MAGI1: variants seen among roughly 807,000 people sequenced by gnomAD.
The protein encoded by MAGI1 is membrane associated guanylate kinase, WW and PDZ domain containing 1, also known as membrane-associated guanylate kinase, WW and PDZ domain-containing protein 1.
A neutral mutation model predicts 139.9 loss-of-function variants in MAGI1; 58 were observed. That is an observed-to-expected ratio of 0.41 (90% CI 0.34 to 0.52). The LOEUF is 0.52. Ranked by LOEUF, MAGI1 falls within the 20% of genes least tolerant of loss-of-function variation. The pLI, the probability that MAGI1 is intolerant of heterozygous loss-of-function variation, is 0.12. For synonymous variants in MAGI1, 812 were observed against 737.9 expected (o/e 1.10, Z -1.63); for missense variants, 1,874 against 1,901.6 (o/e 0.99, Z 0.27).
chr3:65,413,404 C>T (rs533498747), intron 12 of MAGI1, among the ~76,000 whole-genome samples: 20 of 152,236 alleles, frequency 1.3e-4, no homozygotes, highest in East Asian at 5.8e-4. Context: ...CAAGTCCTGC[C>T]GCACTGCATT....
At chr3:65,519,361 CACACACACACACACACACACACACAT>C (rs1404244886) in intron 2 of MAGI1, among the ~76,000 whole-genome samples, 16 of 83,952 alleles carry the variant, frequency 1.9e-4, no homozygotes, top group African/African-American at 6.8e-4. Flanking sequence ...CACACACACA[CACACACACACACACACACACACACAT>C]ATATATAATT....
At chr3:65,463,053 T>C (rs1949924619) in intron 5 of MAGI1, among the ~76,000 whole-genome samples, 1 of 152,230 alleles carries the variant, frequency 6.6e-6, no homozygotes, top group Admixed American at 6.5e-5. Flanking sequence ...TATATAATCA[T>C]GTCATCTGCA....
chr3:65,488,949 A>C (rs1951805375), intron 3 of MAGI1, among the ~76,000 whole-genome samples: 1 of 152,216 alleles, frequency 6.6e-6, no homozygotes, highest in Admixed American at 6.5e-5. Flanking sequence ...CTGGGATTAC[A>C]GGTATCCGCC....
intron 5 of MAGI1, among the ~76,000 whole-genome samples, chr3:65,457,640 C>T (rs1949491740): frequency 6.6e-6 from 1 of 151,698 alleles, no homozygotes; most frequent in African/African-American, 2.4e-5. Context: ...TAGATATACA[C>T]TTGCTATTTA....
At chr3:65,484,712 C>T (rs1376159520) in intron 3 of MAGI1, among the ~76,000 whole-genome samples, 1 of 152,066 alleles carries the variant, frequency 6.6e-6, no homozygotes, top group Non-Finnish European at 1.5e-5. Flanking sequence ...CCCCTTCCCC[C>T]ATCTCACAGC....
chr3:66,012,084 A>G (rs2067350645), intron 1 of MAGI1, among the ~76,000 whole-genome samples: 1 of 151,994 alleles, frequency 6.6e-6, no homozygotes, highest in Non-Finnish European at 1.5e-5. Flanking sequence ...TTTAGTTAGG[A>G]TGGGCAACAA....
At chr3:65,704,785 C>G (rs1360308663) in intron 1 of MAGI1, among the ~76,000 whole-genome samples, 1 of 151,888 alleles carries the variant, frequency 6.6e-6, no homozygotes, top group Non-Finnish European at 1.5e-5. Context: ...TAGAAATGCG[C>G]CTCTATGGTG....
At chr3:65,936,219 T>A (rs1218418612) in intron 1 of MAGI1, among the ~76,000 whole-genome samples, 1 of 151,674 alleles carries the variant, frequency 6.6e-6, no homozygotes, top group African/African-American at 2.4e-5. Context: ...CCAACAAACC[T>A]CCCAAGGCCC....
chr3:65,976,259 T>G (rs2065259571), intron 1 of MAGI1, among the ~76,000 whole-genome samples: 1 of 152,224 alleles, frequency 6.6e-6, no homozygotes, highest in African/African-American at 2.4e-5. Context: ...ATGATGTAAT[T>G]ACTTATATAT....
rs562051651 is a variant in MAGI1 at position 65,715,172 on chromosome 3, C to T, written c.314-93084G>A. On this transcript the variant is annotated intron_variant, in intron 1 of 22. Coordinates refer to ENST00000402939, the MANE Select transcript of MAGI1 (RefSeq NM_001033057.2). The stretch of plus-strand genomic sequence containing the variant: ...ACCTCAGACATTTTAATCAGCAATG[C>T]TTTGCAAAAAGGCATTTTCTCAAGG... Among the ~76,000 whole-genome samples the T allele has an allele frequency of 5.3e-5, 8 of 152,276 alleles. No individual in the cohort carries two copies. The South Asian group carries it at 1.7e-3, about 32-fold the overall frequency.
At chr3:65,720,514 TCCTTGA>T (rs2032878369) in intron 1 of MAGI1, among the ~76,000 whole-genome samples, 1 of 152,046 alleles carries the variant, frequency 6.6e-6, no homozygotes, top group African/African-American at 2.4e-5. Flanking sequence ...CCCTAACCAA[TCCTTGA>T]CTTAGCCCAT....
chr3:65,516,113 A>G (rs540358556), intron 2 of MAGI1, among the ~76,000 whole-genome samples: 3 of 152,198 alleles, frequency 2.0e-5, no homozygotes, highest in South Asian at 2.1e-4. Context: ...GCTGAGGGTG[A>G]GAGAATTGCC....
Position 65,375,856 on chromosome 3 carries a change from G to C in MAGI1, c.3085C>G (p.Arg1029Gly). 1 of 1,614,024 alleles carries C rather than the reference G, an allele frequency of 6.2e-7. No homozygotes were observed. Among genetic ancestry groups the C allele is most frequent in the Non-Finnish European group, 8.5e-7 (1 of 1,179,976 alleles). Residue 1029 changes from arginine (R) to glycine (G), a missense_variant, in exon 18 of 23, where the codon CGG becomes GGG. Coordinates refer to ENST00000402939, the MANE Select transcript of MAGI1 (RefSeq NM_001033057.2). ...GAACATCCATTTACTGCCAAGATCC[G>C]GTCTCCTACTTTCAGCTTGCCACAG... Reference protein sequence around the residue: ...DRCGKLKVGDRILAVNGCSIT... With the variant: ...DRCGKLKVGDGILAVNGCSIT...
At chr3:65,661,744 T>TG (rs1202347169) in intron 1 of MAGI1, among the ~76,000 whole-genome samples, 7 of 109,176 alleles carry the variant, frequency 6.4e-5, no homozygotes, top group South Asian at 3.7e-4. Context: ...TGTTTTTTTC[T>TG]GTTTTTTTTT....
intron 1 of MAGI1, among the ~76,000 whole-genome samples, chr3:65,703,396 A>T (rs758820627): frequency 1.9e-5 from 2 of 106,578 alleles, no homozygotes; most frequent in African/African-American, 3.6e-5. Context: ...AAGACCCAAT[A>T]AAAAAAAATT....
rs1277886845 is a variant in MAGI1, at chr3:65,378,812, G to A, written c.2995+449C>T. Among the ~76,000 whole-genome samples, 3 of 151,882 alleles carry A rather than the reference G, an allele frequency of 2.0e-5. No individual in the cohort carries two copies. In the East Asian group the frequency reaches 5.8e-4, roughly 29 times the overall value. On this transcript the variant is annotated intron_variant, in intron 17 of 22. Coordinates refer to ENST00000402939, the MANE Select transcript of MAGI1 (RefSeq NM_001033057.2). ...TTCTCTTGCCTCAGCTTCCCAGGTA[G>A]CTGGGATTACAGGCATGCACTACCA... is the stretch of plus-strand genomic sequence containing the variant.
intron 2 of MAGI1, among the ~76,000 whole-genome samples, chr3:65,596,172 G>T (rs1403245784): frequency 6.6e-6 from 1 of 152,112 alleles, no homozygotes; most frequent in Non-Finnish European, 1.5e-5. Context: ...GATGATAAAA[G>T]ACAAGCTTTT....
In MAGI1 at chr3:66,037,992, T is replaced by C; in HGVS notation, c.313+4A>G. ...GCGCCCCCCAAAGGCGCGCCCTGCC[T>C]TACCTTGTCTGACGGCCTTGAAGGT... On this transcript the variant is annotated splice_donor_region_variant and intron_variant, in intron 1 of 22. Transcript: ENST00000402939. 1 of 1,566,256 alleles carries C rather than the reference T, an allele frequency of 6.4e-7. No individual in the cohort carries two copies. Among genetic ancestry groups the C allele is most frequent in the Non-Finnish European group, 8.7e-7 (1 of 1,154,880 alleles).
intron 14 of MAGI1, among the ~76,000 whole-genome samples, chr3:65,387,632 G>A (rs960877574): frequency 6.6e-6 from 1 of 152,222 alleles, no homozygotes; most frequent in South Asian, 2.1e-4. Context: ...ATCAAGTCCA[G>A]GATGAAATTC....
Sources: gnomAD v4.1 joint callset for allele counts (sites outside exome capture counted in the v4.1 genomes callset) on GRCh38, gnomAD v4.1.1 for gene constraint, MANE v1.5 for transcripts, NCBI Gene and HGNC (gene_info 2026-07-23, HGNC 2026-07-21) for gene names.